Variants in PARP9 observed in about 807,000 individuals in gnomAD.
The protein encoded by PARP9 is protein mono-ADP-ribosyltransferase PARP9.
PARP9 carries 48 observed loss-of-function variants against 68.8 expected under a neutral mutation model. That is an observed-to-expected ratio of 0.70 (90% CI 0.55 to 0.89). The LOEUF is 0.89. PARP9 is among the 40% of genes least tolerant of loss of function. The probability of loss-of-function intolerance (pLI) is 0.00; values close to 1 mark genes in which losing one functional copy is unlikely to be tolerated. For missense variants in PARP9, 806 were observed against 969.3 expected (o/e 0.83, Z 2.24); for synonymous variants, 309 against 333.8 (o/e 0.93, Z 0.81).
Position 122,556,140 on chromosome 3 carries a change from T to TAAA in PARP9, c.50-20_50-19insTTT. 1.1e-5 allele frequency: 1 copy of TAAA among 92,804 alleles called. No homozygotes were observed. The highest frequency in any genetic ancestry group is 1.7e-5 in the Non-Finnish European group (1 of 57,594). 5.7% of individuals were successfully genotyped at this position (92,804 alleles called of 1,614,324 possible). On this transcript the variant is annotated intron_variant, in intron 3 of 10. Coordinates refer to ENST00000682323, the MANE Select transcript of PARP9 (RefSeq NM_001146105.2). ...CCAGTCTCTGGAAAAGAAGAGAAGA[T>TAAA]TAAAAAAAAAAAAAAAAAAAAAAAA...
At chr3:122,534,008 A>T (rs2077474502) in intron 10 of PARP9, 1 of 985,486 alleles carries the variant, frequency 1.0e-6, no homozygotes, top group African/African-American at 1.7e-5. Context: ...TCTCTAGCCT[A>T]CAGAGATGAG....
chr3:122,539,030 C>G lies in PARP9; in HGVS notation c.1765+1442G>C, dbSNP rs1316875474. Among the ~76,000 whole-genome samples the G allele has an allele frequency of 2.0e-5, 3 of 152,066 alleles. No homozygotes were observed. In the East Asian group the frequency reaches 5.8e-4, roughly 29 times the overall value. On this transcript the variant is annotated intron_variant, in intron 8 of 10. Transcript: ENST00000682323. ...TTGTACCTCTTACTAAATCCATTCT[C>G]CACATTATAACCAATGATCTTTCTA...
At chr3:122,555,165 G>C (rs998219285) in intron 4 of PARP9, 121 bp downstream of exon 4, 9 of 1,019,562 alleles carry the variant, frequency 8.8e-6, no homozygotes, top group Non-Finnish European at 1.1e-5. Flanking sequence ...ACTGCATCTG[G>C]CTCATATTCT....
intron 6 of PARP9, chr3:122,545,743 C>T: frequency 4.2e-6 from 2 of 471,370 alleles, no homozygotes; most frequent in Non-Finnish European, 7.5e-6. Context: ...ACTATACATT[C>T]CGAGACAAAA....
In PARP9 at chr3:122,559,715, A is replaced by G; in HGVS notation, c.-89-6T>C. 1 of 1,231,666 alleles carries G rather than the reference A, an allele frequency of 8.1e-7. No individual in the cohort carries two copies. The highest frequency in any genetic ancestry group is 1.1e-6 in the Non-Finnish European group (1 of 894,766). 76.3% of individuals were successfully genotyped at this position (1,231,666 alleles called of 1,614,324 possible). ...CCAGATATGGTGGCCCACTTCTAGG[A>G]ATGAATTAGAAAAGATGCAATAAAC... On this transcript the variant is annotated splice_polypyrimidine_tract_variant and splice_region_variant and intron_variant, in intron 1 of 10. Coordinates refer to ENST00000682323, the MANE Select transcript of PARP9 (RefSeq NM_001146105.2).
chr3:122,532,127 T>C (rs913288297), intron 10 of PARP9: 20 of 984,158 alleles, frequency 2.0e-5, no homozygotes, highest in African/African-American at 1.7e-4. Context: ...AGAGTGGCAA[T>C]GGCTGGAGAA....
In PARP9 at chr3:122,555,922, T is replaced by A; in HGVS notation, c.249A>T (p.Ile83=). The A allele has an allele frequency of 6.2e-7, 1 of 1,614,042 alleles. No individual in the cohort carries two copies. Among genetic ancestry groups the A allele is most frequent in the Non-Finnish European group, 8.5e-7 (1 of 1,179,996 alleles). Residue 83 remains isoleucine, a synonymous_variant, in exon 4 of 11, where the codon ATA becomes ATT. Coordinates refer to ENST00000682323, the MANE Select transcript of PARP9 (RefSeq NM_001146105.2). Reference sequence around the variant, plus strand: ...GGTCATCTTTCCAGACTGATAACTCTATCCTAGGAGTCAGCATTTTTCTGA... The same window carrying A: ...GGTCATCTTTCCAGACTGATAACTCAATCCTAGGAGTCAGCATTTTTCTGA... ...QVFRKMLTPR[I]ELSVWKDDLT...
chr3:122,540,488 G>C lies in PARP9; in HGVS notation c.1749C>G (p.Gly583=), dbSNP rs767591720. The C allele has an allele frequency of 5.0e-6, 8 of 1,613,294 alleles. No homozygotes were observed. The highest frequency in any genetic ancestry group is 6.8e-6 in the Non-Finnish European group (8 of 1,179,566). Residue 583 remains glycine, a synonymous_variant, in exon 8 of 11, where the codon GGC becomes GGG. Transcript: ENST00000682323. The part of the protein sequence containing the change: ...QEEMARKKER[G]LWRSLGQWTI... ...GTTACTCACCTAACGAGCGCCAAAG[G>C]CCTCGCTCCTTTTTCCTTGCCATTT...
At chr3:122,552,960 T>A (rs7643315) in intron 4 of PARP9, among the ~76,000 whole-genome samples, 4 of 152,058 alleles carry the variant, frequency 2.6e-5, no homozygotes, top group Admixed American at 6.5e-5. Context: ...TTGTTTTAAG[T>A]TCTGTCGATA....
At position 122,528,717 on chromosome 3, in the gene PARP9, A is replaced by G. The variant is rs1018114498; in HGVS notation, c.2107T>C (p.Phe703Leu). Reference sequence around the variant, plus strand: ...GCCAGGTTTTTGAGGTTCTTGGTGAAGTATATGCCAGCTCCGTATTTTGGA... The same window carrying G: ...GCCAGGTTTTTGAGGTTCTTGGTGAGGTATATGCCAGCTCCGTATTTTGGA... ...CDPKYGAGIY[F>L]TKNLKNLAEK... The change falls in exon 11 of 11, where the codon TTC becomes CTC. Residue 703 changes from phenylalanine to leucine, a missense_variant. Physicochemically the swap from Phe to Leu is conservative, Grantham distance 22. Around this residue, in one of 2 missense-constraint regions of PARP9, gnomAD observed 680 missense variants for 858.8 expected, o/e 0.79. Transcript: ENST00000682323. 27 of 1,606,614 alleles carry G rather than the reference A, an allele frequency of 1.7e-5. No individual in the cohort carries two copies. Among genetic ancestry groups the G allele is most frequent in the Non-Finnish European group, 2.2e-5 (26 of 1,176,258 alleles).
chr3:122,553,497 A>C (rs576163394), intron 4 of PARP9, among the ~76,000 whole-genome samples: 15 of 152,346 alleles, frequency 9.8e-5, no homozygotes, highest in Admixed American at 4.6e-4. Flanking sequence ...AAAAATTGTA[A>C]TGTTCCTAAC....
intron 6 of PARP9, 149 bp from the exon 7 acceptor site, chr3:122,545,638 A>G: frequency 1.4e-6 from 1 of 700,622 alleles, no homozygotes; most frequent in Non-Finnish European, 2.5e-6. Flanking sequence ...CCTTTAGGAA[A>G]GTCCCAGAGA....
chr3:122,556,410 G>A lies in PARP9; in HGVS notation c.50-289C>T, dbSNP rs183355823. 8.2e-4 allele frequency among the ~76,000 whole-genome samples: 125 copies of A among 152,230 alleles called. 1 individual carries two copies. The Middle Eastern group carries it at 0.01, about 12-fold the overall frequency. ...TAGTTACTATGATGCAGTGATGATG[G>A]TAGGAAAACCATGTATATGGGGGCT... On this transcript the variant is annotated intron_variant, in intron 3 of 10. Coordinates refer to ENST00000682323, the MANE Select transcript of PARP9 (RefSeq NM_001146105.2).
chr3:122,550,586 T>C lies in PARP9; in HGVS notation c.1324A>G (p.Lys442Glu). 1 of 1,601,490 alleles carries C rather than the reference T, an allele frequency of 6.2e-7. No homozygotes were observed. The highest frequency in any genetic ancestry group is 8.5e-7 in the Non-Finnish European group (1 of 1,170,116). The change falls in exon 6 of 11, where the codon AAG becomes GAG. Residue 442 changes from lysine (K) to glutamate (E), a missense_variant and splice_region_variant. This residue lies in a region of PARP9 where 680 missense variants were observed against 858.8 expected (regional missense o/e 0.79). Coordinates refer to ENST00000682323, the MANE Select transcript of PARP9 (RefSeq NM_001146105.2). ...ACATTTCTAAGATATTAACTTACCT[T>C]ATATATCTCCAAATCTGTTGGAAAG... Reference protein sequence around the residue: ...VIFPTDLEIYKAFSSEMAKRS... With the variant: ...VIFPTDLEIYEAFSSEMAKRS...
intron 7 of PARP9, among the ~76,000 whole-genome samples, chr3:122,545,079 C>T (rs1453299478): frequency 6.6e-6 from 1 of 152,178 alleles, no homozygotes; most frequent in Non-Finnish European, 1.5e-5. Context: ...TCCATAATTA[C>T]AATAAGTAAC....
chr3:122,560,667 T>C (rs1251089799), intron 1 of PARP9, among the ~76,000 whole-genome samples: 1 of 152,200 alleles, frequency 6.6e-6, no homozygotes, highest in Non-Finnish European at 1.5e-5. Flanking sequence ...ATTACAGGCG[T>C]GAGCGACCGC....
rs1159027174 is a variant in PARP9, at chr3:122,528,630, G to A, written c.2194C>T (p.Leu732Phe). 1.2e-6 allele frequency: 2 copies of A among 1,614,044 alleles called. No individual in the cohort carries two copies. The highest frequency in any genetic ancestry group is 1.7e-6 in the Non-Finnish European group (2 of 1,180,032). Residue 732 changes from leucine (L) to phenylalanine (F), a missense_variant, in exon 11 of 11, where the codon CTC becomes TTC. Physicochemically the swap from Leu to Phe is conservative, Grantham distance 22 (BLOSUM62 0). Around this residue, in one of 2 missense-constraint regions of PARP9, gnomAD observed 680 missense variants for 858.8 expected, o/e 0.79. Transcript: ENST00000682323. Reference sequence around the variant, plus strand: ...TGTCCCTGGCAGAAGAAGCCTGTGAGTACTTCAGCCTCAAACACATAGATC... The same window carrying A: ...TGTCCCTGGCAGAAGAAGCCTGTGAATACTTCAGCCTCAAACACATAGATC... ...KLIYVFEAEV[L>F]TGFFCQGHPL...
At position 122,556,141 on chromosome 3, in the gene PARP9, T is replaced by TAAAAAGAAAAAAAAAAAAAAAAA. The variant is rs2079623785; in HGVS notation, c.50-21_50-20insTTTTTTTTTTTTTTTTTCTTTTT. 5.2e-6 allele frequency: 1 copy of TAAAAAGAAAAAAAAAAAAAAAAA among 193,584 alleles called. No homozygotes were observed. The highest frequency in any genetic ancestry group is 8.4e-6 in the Non-Finnish European group (1 of 119,342). 12.0% of individuals were successfully genotyped at this position (193,584 alleles called of 1,614,324 possible). On this transcript the variant is annotated intron_variant, in intron 3 of 10. Transcript: ENST00000682323. Reference sequence around the variant, plus strand: ...CAGTCTCTGGAAAAGAAGAGAAGATTAAAAAAAAAAAAAAAAAAAAAAAAA... The same window carrying TAAAAAGAAAAAAAAAAAAAAAAA: ...CAGTCTCTGGAAAAGAAGAGAAGATTAAAAAGAAAAAAAAAAAAAAAAAAAAAAAAAAAAAAAAAAAAAAAAAA...
rs148168272 is a variant in PARP9 at position 122,556,955 on chromosome 3, T to C, written c.50-834A>G. Reference sequence around the variant, plus strand: ...CCTCAGCCTCCTGAGTAGCCAGGGCTACAGGCTCACAGCACTACACCCACA... The same window carrying C: ...CCTCAGCCTCCTGAGTAGCCAGGGCCACAGGCTCACAGCACTACACCCACA... On this transcript the variant is annotated intron_variant, in intron 3 of 10. Transcript: ENST00000682323. Among the ~76,000 whole-genome samples, 275 of 152,316 alleles carry C rather than the reference T, an allele frequency of 1.8e-3. 2 individuals carry two copies. The highest frequency in any genetic ancestry group is 6.4e-3 in the African/African-American group (268 of 41,570).
Sources: gnomAD v4.1 joint callset for allele counts (sites outside exome capture counted in the v4.1 genomes callset) on GRCh38, gnomAD v4.1.1 for gene constraint, gnomAD v4.1.1 regional missense constraint, MANE v1.5 for transcripts, NCBI Gene and HGNC (gene_info 2026-07-23, HGNC 2026-07-21) for gene names.